SNCAIP: variants seen among roughly 807,000 people sequenced by gnomAD.
SNCAIP encodes the protein synuclein alpha interacting protein, also known as synphilin-1.
In SNCAIP, 43 loss-of-function variants were observed where a neutral mutation model predicts 86.7. The ratio of observed to expected loss-of-function variants is 0.50; its 90% CI spans 0.39 to 0.64. The LOEUF is 0.64. Ranked by LOEUF, SNCAIP falls within the 30% of genes least tolerant of loss-of-function variation. The pLI, the probability that SNCAIP is intolerant of heterozygous loss-of-function variation, is 0.00. For missense variants in SNCAIP, 981 were observed against 1,103.1 expected (o/e 0.89, Z 1.57); for synonymous variants, 417 against 427.2 (o/e 0.98, Z 0.29).
chr5:122,406,953 C>T (rs1773132384), intron 3 of SNCAIP, among the ~76,000 whole-genome samples: 1 of 152,176 alleles, frequency 6.6e-6, no homozygotes, highest in Non-Finnish European at 1.5e-5. Flanking sequence ...CAAATGTTAA[C>T]ATCTATCCTT....
intron 1 of SNCAIP, among the ~76,000 whole-genome samples, chr5:122,372,355 G>A (rs1001720399): frequency 7.2e-5 from 11 of 152,138 alleles, no homozygotes; most frequent in East Asian, 1.9e-4. Flanking sequence ...TTAACACAAA[G>A]TCACTGAACA....
At chr5:122,425,259 C>A in intron 4 of SNCAIP, 93 bp from the exon 5 acceptor site, 1 of 949,350 alleles carries the variant, frequency 1.1e-6, no homozygotes, top group Non-Finnish European at 1.7e-6. Context: ...CTTCTATAAG[C>A]TCATTTCTTC....
intron 4 of SNCAIP, 56 bp from the exon 5 acceptor site, chr5:122,425,296 A>T: frequency 7.2e-7 from 1 of 1,388,700 alleles, no homozygotes; most frequent in Non-Finnish European, 1.0e-6. Flanking sequence ...AAAAACTCCT[A>T]CAGGGTCTTG....
At position 122,463,528 on chromosome 5, in the gene SNCAIP, A is replaced by G. The variant is rs1230646891; in HGVS notation, c.*32A>G. The G allele has an allele frequency of 2.5e-6, 4 of 1,609,950 alleles. No homozygotes were observed. In the Admixed American group the frequency reaches 5.0e-5, roughly 20 times the overall value. ...CAATAGAAAAATGAAGAAATCCTAC[A>G]GCATAAAGCACATTGCTGAGCCAGA... On this transcript the variant is annotated 3_prime_UTR_variant, in exon 11 of 11. Transcript: ENST00000261368.
At chr5:122,312,109 G>T (rs1449764651), upstream of SNCAIP, 1 of 147,908 alleles carries the variant, frequency 6.8e-6, no homozygotes, top group African/African-American at 2.4e-5. Context: ...CGCCCGTTGG[G>T]GGGCCCGGGG....
chr5:122,359,022 T>A (rs1761672186), intron 1 of SNCAIP, among the ~76,000 whole-genome samples: 1 of 137,142 alleles, frequency 7.3e-6, no homozygotes, highest in Admixed American at 8.0e-5. Flanking sequence ...AAATCTAATG[T>A]TTTAAATTAT....
At chr5:122,403,886 C>A in intron 3 of SNCAIP, 21 bp downstream of exon 3, 2 of 1,585,794 alleles carry the variant, frequency 1.3e-6, no homozygotes, top group Non-Finnish European at 1.7e-6. Flanking sequence ...CTCCTCCCCT[C>A]TTCTCCTTAT....
chr5:122,329,399 C>T (rs1271419756), intron 1 of SNCAIP, among the ~76,000 whole-genome samples: 2 of 152,046 alleles, frequency 1.3e-5, no homozygotes, highest in African/African-American at 4.8e-5. Flanking sequence ...CCGGTGTCTC[C>T]CAATATCGAA....
chr5:122,401,065 C>T (rs1311496769), intron 2 of SNCAIP: 1 of 1,550,064 alleles, frequency 6.5e-7, no homozygotes, highest in East Asian at 2.4e-5. Context: ...GGCTTTGGTT[C>T]CCATAGGGCC....
At chr5:122,348,144 A>G (rs369752003) in intron 1 of SNCAIP, among the ~76,000 whole-genome samples, 1 of 152,158 alleles carries the variant, frequency 6.6e-6, no homozygotes, top group South Asian at 2.1e-4. Context: ...TATGCCTTTC[A>G]TTCCAATTTT....
chr5:122,343,718 G>A (rs1758045502), intron 1 of SNCAIP, among the ~76,000 whole-genome samples: 1 of 152,146 alleles, frequency 6.6e-6, no homozygotes, highest in Non-Finnish European at 1.5e-5. Flanking sequence ...TCTGTGCACT[G>A]TAGAATACTT....
chr5:122,408,493 C>G (rs1353947888), intron 3 of SNCAIP, among the ~76,000 whole-genome samples: 1 of 152,196 alleles, frequency 6.6e-6, no homozygotes, highest in African/African-American at 2.4e-5. Context: ...ACTGGCTCAC[C>G]AATGCCCACA....
intron 7 of SNCAIP, chr5:122,444,334 GCCT>G (rs1285090652): frequency 1.0e-5 from 6 of 587,838 alleles, no homozygotes; most frequent in Non-Finnish European, 1.9e-5. Context: ...ACTATGGACA[GCCT>G]CCTCCTCTCC....
At chr5:122,445,374 A>G (rs1782051180) in intron 8 of SNCAIP, among the ~76,000 whole-genome samples, 1 of 152,174 alleles carries the variant, frequency 6.6e-6, no homozygotes, top group African/African-American at 2.4e-5. Context: ...GGTGTCAGGG[A>G]AGTATTTCTG....
intron 4 of SNCAIP, 97 bp downstream of exon 4, chr5:122,423,836 T>C: frequency 8.8e-7 from 1 of 1,134,584 alleles, no homozygotes; most frequent in East Asian, 2.4e-5. Flanking sequence ...GCATTTGTTT[T>C]GGTTTTTACT....
chr5:122,430,674 T>G (rs1778235230), intron 5 of SNCAIP, among the ~76,000 whole-genome samples: 1 of 152,110 alleles, frequency 6.6e-6, no homozygotes, highest in Non-Finnish European at 1.5e-5. Context: ...TGGACTATAT[T>G]GTAGCTATTT....
At chr5:122,404,818 G>C (rs7701738) in intron 3 of SNCAIP, among the ~76,000 whole-genome samples, 5,790 of 152,084 alleles carry the variant, frequency 0.038, 356 homozygotes, top group African/African-American at 0.13. Context: ...TGGACTGTTT[G>C]TTTTCCTTTG....
At chr5:122,450,014 T>C in intron 9 of SNCAIP, 77 bp downstream of exon 9, 1 of 998,154 alleles carries the variant, frequency 1.0e-6, no homozygotes. Flanking sequence ...TCCTTTGATA[T>C]ATTTTAAGAG....
At chr5:122,450,076 T>A in intron 9 of SNCAIP, 139 bp downstream of exon 9, 1 of 686,758 alleles carries the variant, frequency 1.5e-6, no homozygotes, top group Admixed American at 2.5e-5. Flanking sequence ...AAATGAGAAA[T>A]CACAGTGAAA....
Sources: gnomAD v4.1 joint callset for allele counts (sites outside exome capture counted in the v4.1 genomes callset) on GRCh38, gnomAD v4.1.1 for gene constraint, MANE v1.5 for transcripts, NCBI Gene and HGNC (gene_info 2026-07-23, HGNC 2026-07-21) for gene names.